The following NOTCH3 variants were observed in gnomAD, a reference collection of about 807,000 sequenced individuals.
NOTCH3 encodes neurogenic locus notch homolog protein 3.
A neutral mutation model predicts 213.3 loss-of-function variants in NOTCH3; 86 were observed. That is an observed-to-expected ratio of 0.40 (90% CI 0.34 to 0.48). The LOEUF is 0.48. Among genes scored for constraint, NOTCH3 ranks in the 20% least tolerant of loss-of-function variants. The pLI, the probability that NOTCH3 is intolerant of heterozygous loss-of-function variation, is 0.57. For synonymous variants in NOTCH3, 1,354 were observed against 1,355.9 expected, an observed-to-expected ratio of 1.00 and a Z score of 0.03; for missense variants, 2,783 against 3,272.6, an observed-to-expected ratio of 0.85 and a Z score of 3.65.
rs376463921 is a variant in NOTCH3, at chr19:15,161,556, C to T, written c.6072G>A (p.Leu2024=). The change falls in exon 33 of 33, where the codon CTG becomes CTA. Residue 2024 remains leucine (L), a synonymous_variant. Coordinates refer to ENST00000263388, the MANE Select transcript of NOTCH3 (RefSeq NM_000435.3). The part of the protein sequence containing the change: ...ERLHQDIVRL[L]DQPSGPRSPP... ...GGCTGCGGGGCCCACTGGGTTGATCCAGCAAGCGCACGATGTCCTGGTGCA... is the reference window on the plus strand; with the variant it reads ...GGCTGCGGGGCCCACTGGGTTGATCTAGCAAGCGCACGATGTCCTGGTGCA... 3.1e-6 allele frequency: 5 copies of T among 1,608,146 alleles called. No homozygotes were observed. In the African/African-American group the frequency reaches 6.7e-5, roughly 21 times the overall value.
Position 15,160,654 on chromosome 19 carries a change from C to T in NOTCH3, c.*8G>A, listed in dbSNP as rs778776384. 6.8e-6 allele frequency: 11 copies of T among 1,611,054 alleles called. No homozygotes were observed. Among genetic ancestry groups the T allele is most frequent in the East Asian group, 4.5e-5 (2 of 44,858 alleles). ...TAGGCCCCCAAGATCTAAGAACTGA[C>T]GAGCGTCTCAGGCCAACACTTGCCT... On this transcript the variant is annotated 3_prime_UTR_variant, in exon 33 of 33. Transcript: ENST00000263388.
At chr19:15,184,812 G>T in intron 15 of NOTCH3, 94 bp downstream of exon 15, 1 of 755,254 alleles carries the variant, frequency 1.3e-6, no homozygotes. Context: ...GCAGGGCTGG[G>T]GATGGGTCCC....
In NOTCH3 at chr19:15,165,348, T is replaced by G. The variant is rs765825882; in HGVS notation, c.5815+20A>C. 3.1e-6 allele frequency: 5 copies of G among 1,602,416 alleles called. No homozygotes were observed. Among genetic ancestry groups the G allele is most frequent in the Non-Finnish European group, 4.2e-6 (5 of 1,179,828 alleles). Reference sequence around the variant, plus strand: ...AGGTGACACCAACCCAGCTTAGACTTGATTCCTCTGCCAACCTACCAAGCT... The same window carrying G: ...AGGTGACACCAACCCAGCTTAGACTGGATTCCTCTGCCAACCTACCAAGCT... On this transcript the variant is annotated intron_variant, in intron 31 of 32. Coordinates refer to ENST00000263388, the MANE Select transcript of NOTCH3 (RefSeq NM_000435.3). The surrounding 1 kb of genome is among the most constrained non-coding windows in gnomAD (Gnocchi z 4.7).
intron 9 of NOTCH3, 29 bp downstream of exon 9, chr19:15,188,206 T>C: frequency 6.5e-7 from 1 of 1,527,364 alleles, no homozygotes; most frequent in Non-Finnish European, 8.9e-7. Flanking sequence ...AGACATGTCT[T>C]TTCGGGCTCC....
chr19:15,180,866 G>T, intron 18 of NOTCH3, 38 bp from the exon 19 acceptor site: 1 of 1,609,816 alleles, frequency 6.2e-7, no homozygotes, highest in Middle Eastern at 1.6e-4. Flanking sequence ...CTGTGGGGTG[G>T]GGGGTAGTCT....
rs774607018 is a variant in NOTCH3, at chr19:15,192,133, C to T, written c.506G>A (p.Arg169His). Reference sequence around the variant, plus strand: ...TGTGTTGAGGCAGGTGCCACCATGGCGGCAGGGCTCACCCACCCGGCACTC... The same window carrying T: ...TGTGTTGAGGCAGGTGCCACCATGGTGGCAGGGCTCACCCACCCGGCACTC... ...VDECRVGEPCRHGGTCLNTPG... is the reference protein window; with the variant it reads ...VDECRVGEPCHHGGTCLNTPG... The change falls in exon 4 of 33, where the codon CGC becomes CAC. Residue 169 changes from arginine (R) to histidine (H), a missense_variant. This residue lies in a region of NOTCH3 where 708 missense variants were observed against 906.6 expected (regional missense o/e 0.78). Coordinates refer to ENST00000263388, the MANE Select transcript of NOTCH3 (RefSeq NM_000435.3). The T allele has an allele frequency of 2.0e-5, 33 of 1,612,820 alleles. No individual in the cohort carries two copies. The highest frequency in any genetic ancestry group is 1.6e-4 in the Middle Eastern group (1 of 6,084).
chr19:15,170,150 C>T lies in NOTCH3; in HGVS notation c.5135G>A (p.Ser1712Asn), dbSNP rs1203788745. ...LGMKNMAKGE[S>N]LMGEVATDWM... ...GTCTGTGGCCACCTCCCCCATCAGG[C>T]TCTCACCCTTGGCCATGTTCCTGGC... is the stretch of plus-strand genomic sequence containing the variant. Residue 1712 changes from serine to asparagine, a missense_variant, in exon 28 of 33, where the codon AGC becomes AAC. By Grantham distance (46) the Ser-to-Asn change is conservative. This residue lies in a region of NOTCH3 where 636 missense variants were observed against 801.8 expected (regional missense o/e 0.79). Coordinates refer to ENST00000263388, the MANE Select transcript of NOTCH3 (RefSeq NM_000435.3). 7 of 1,605,496 alleles carry T rather than the reference C, an allele frequency of 4.4e-6. No homozygotes were observed. Among genetic ancestry groups the T allele is most frequent in the South Asian group, 1.1e-5 (1 of 89,506 alleles).
chr19:15,173,959 T>G, intron 25 of NOTCH3, 109 bp downstream of exon 25: 7 of 961,692 alleles, frequency 7.3e-6, no homozygotes, highest in Non-Finnish European at 1.1e-5. Flanking sequence ...GCGGTGCTCC[T>G]GACATCTGGT....
intron 25 of NOTCH3, among the ~76,000 whole-genome samples, chr19:15,171,035 G>A (rs1247488996): frequency 2.6e-5 from 4 of 152,168 alleles, no homozygotes; most frequent in Non-Finnish European, 5.9e-5. Flanking sequence ...CCAGAGCCAT[G>A]AATCCAATGG....
intron 24 of NOTCH3, among the ~76,000 whole-genome samples, chr19:15,174,864 G>A (rs564276853): frequency 2.0e-5 from 3 of 152,144 alleles, no homozygotes; most frequent in African/African-American, 4.8e-5. Context: ...ATAAGTCACC[G>A]CACGCAGCCC....
rs968057599 is a variant in NOTCH3 at position 15,179,513 on chromosome 19, G to A, written c.3328-17C>T. ...AGGAAGACACTTCAGTGGGGTAAGA[G>A]AGGGACCCACTCAGCTTAGTGGGAC... On this transcript the variant is annotated splice_polypyrimidine_tract_variant and intron_variant, in intron 20 of 32. Transcript: ENST00000263388. 2.5e-6 allele frequency: 4 copies of A among 1,613,380 alleles called. No individual in the cohort carries two copies. Among genetic ancestry groups the A allele is most frequent in the Non-Finnish European group, 3.4e-6 (4 of 1,179,944 alleles).
chr19:15,189,448 A>C lies in NOTCH3; in HGVS notation c.1037-20T>G, dbSNP rs200149507. ...GGAGGCCTGGGAAGTGGTAAGCAGA[A>C]GTCATAGGCAGATCTTCCTGCTCTG... On this transcript the variant is annotated intron_variant, in intron 6 of 32. Transcript: ENST00000263388. 321 of 1,613,268 alleles carry C rather than the reference A, an allele frequency of 2.0e-4. 1 individual carries two copies. Among genetic ancestry groups the C allele is most frequent in the Non-Finnish European group, 4.0e-5 (47 of 1,179,992 alleles).
chr19:15,197,441 G>GCGGCGCCCCCCCCCC, intron 2 of NOTCH3, 59 bp downstream of exon 2: 1 of 768,364 alleles, frequency 1.3e-6, no homozygotes, highest in Non-Finnish European at 2.3e-6. Flanking sequence ...AAGACAAATC[G>GCGGCGCCCCCCCCCC]CCCCTCCCCC....
In NOTCH3 at chr19:15,180,269, G is replaced by C. The variant is rs1357003566; in HGVS notation, c.3143-13C>G. ...TCCAGCCGCACCCCTGCAAAGAGGAGAGTGGCACAGGAACAGAGGTAACCC... is the reference window on the plus strand; with the variant it reads ...TCCAGCCGCACCCCTGCAAAGAGGACAGTGGCACAGGAACAGAGGTAACCC... On this transcript the variant is annotated splice_polypyrimidine_tract_variant and intron_variant, in intron 19 of 32. Transcript: ENST00000263388. 1 of 1,613,368 alleles carries C rather than the reference G, an allele frequency of 6.2e-7. No individual in the cohort carries two copies. Among genetic ancestry groups the C allele is most frequent in the Non-Finnish European group, 8.5e-7 (1 of 1,179,960 alleles).
chr19:15,170,566 A>G lies in NOTCH3; in HGVS notation c.4892-13T>C, dbSNP rs372683938. On this transcript the variant is annotated splice_polypyrimidine_tract_variant and intron_variant, in intron 26 of 32. Coordinates refer to ENST00000263388, the MANE Select transcript of NOTCH3 (RefSeq NM_000435.3). ...TCCAGCGGCTCCCCTAAGAGCAGGA[A>G]GCAGAGGGCGGGGCTTCAGCCGAGG... 2.6e-5 allele frequency: 42 copies of G among 1,606,984 alleles called. No homozygotes were observed. The highest frequency in any genetic ancestry group is 3.5e-5 in the Non-Finnish European group (41 of 1,178,794).
chr19:15,185,005 G>A lies in NOTCH3; in HGVS notation c.2311C>T (p.Leu771Phe). The A allele has an allele frequency of 3.3e-6, 5 of 1,514,740 alleles. No individual in the cohort carries two copies. The highest frequency in any genetic ancestry group is 4.5e-6 in the Non-Finnish European group (5 of 1,120,712). 93.8% of individuals were successfully genotyped at this position (1,514,740 alleles called of 1,614,324 possible). ...GGGTTCGGGGTGCAGGGGGAGAGGA[G>A]TTCACACTGACGTCCTGTTGGGGGT... ...PPGVQGRQCE[L>F]LSPCTPNPCE... The change falls in exon 15 of 33, where the codon CTC becomes TTC. Residue 771 changes from leucine to phenylalanine, a missense_variant. Leu to Phe is a conservative substitution (Grantham distance 22). Coordinates refer to ENST00000263388, the MANE Select transcript of NOTCH3 (RefSeq NM_000435.3). This position sits in a 1 kb window ranked among gnomAD's most constrained non-coding sequence, Gnocchi z 4.2.
chr19:15,175,082 C>T (rs1369676446), intron 24 of NOTCH3, among the ~76,000 whole-genome samples: 1 of 152,142 alleles, frequency 6.6e-6, no homozygotes, highest in Non-Finnish European at 1.5e-5. Context: ...TCAGTAAATA[C>T]TAACTGACTA....
chr19:15,194,753 C>T (rs1197827331), intron 2 of NOTCH3, among the ~76,000 whole-genome samples: 2 of 151,956 alleles, frequency 1.3e-5, no homozygotes, highest in Non-Finnish European at 2.9e-5. Flanking sequence ...ATCAAGAGTT[C>T]GAGACCAGCC....
At chr19:15,196,228 G>T (rs1429905081) in intron 2 of NOTCH3, among the ~76,000 whole-genome samples, 1 of 152,124 alleles carries the variant, frequency 6.6e-6, no homozygotes, top group Non-Finnish European at 1.5e-5. Flanking sequence ...CGGGGCAGCC[G>T]CGGGCTCATT....
Sources: allele counts gnomAD v4.1 joint callset (sites outside exome capture counted in the v4.1 genomes callset), GRCh38; gene constraint gnomAD v4.1.1; regional missense constraint gnomAD v4.1.1; non-coding constraint Gnocchi (gnomAD v3.1); transcripts MANE v1.5; gene names NCBI Gene and HGNC (gene_info 2026-07-23, HGNC 2026-07-21).